The following NHSL1 variants were observed in gnomAD, a reference collection of about 807,000 sequenced individuals.
NHSL1 encodes NHS like 1, also known as NHS-like protein 1.
Under a neutral mutation model 95.0 loss-of-function variants are expected in NHSL1, and 48 were observed. That is an observed-to-expected ratio of 0.51 (90% CI 0.40 to 0.64). NHSL1 has a LOEUF of 0.64. Ranked by LOEUF, NHSL1 falls within the 30% of genes least tolerant of loss-of-function variation. The pLI, the probability that NHSL1 is intolerant of heterozygous loss-of-function variation, is 0.00. For missense variants in NHSL1, 1,971 were observed against 2,077.7 expected, an observed-to-expected ratio of 0.95 and a Z score of 1.00; for synonymous variants, 783 against 833.9, an observed-to-expected ratio of 0.94 and a Z score of 1.05.
intron 3 of NHSL1, among the ~76,000 whole-genome samples, chr6:138,453,890 T>G (rs1777403404): frequency 6.6e-6 from 1 of 151,806 alleles, no homozygotes; most frequent in Non-Finnish European, 1.5e-5. Context: ...ATTAAAATAT[T>G]TTGGATCTTA....
chr6:138,585,581 TTCTC>T (rs916466931), intron 1 of NHSL1, among the ~76,000 whole-genome samples: 11 of 152,046 alleles, frequency 7.2e-5, no homozygotes, highest in African/African-American at 9.7e-5. Flanking sequence ...TTGGTCAAAC[TTCTC>T]TCTCTCTTAT....
chr6:138,614,158 T>C (rs766570629), intron 1 of NHSL1, among the ~76,000 whole-genome samples: 3 of 152,204 alleles, frequency 2.0e-5, no homozygotes, highest in Non-Finnish European at 4.4e-5. Context: ...GCCAATGTAA[T>C]GTAAATAGAA....
intron 1 of NHSL1, among the ~76,000 whole-genome samples, chr6:138,666,590 C>CA (rs10564684): frequency 0.037 from 3,265 of 89,196 alleles, 99 homozygotes; most frequent in Non-Finnish European, 0.05. Flanking sequence ...GCCTCCATCT[C>CA]AAAAAAAAAA....
chr6:138,617,517 T>C (rs893237215), intron 1 of NHSL1, among the ~76,000 whole-genome samples: 1 of 152,190 alleles, frequency 6.6e-6, no homozygotes, highest in Non-Finnish European at 1.5e-5. Flanking sequence ...ATTAATCTAT[T>C]CCTCCCTCTG....
chr6:138,529,788 T>C (rs1205204298), intron 1 of NHSL1, among the ~76,000 whole-genome samples: 4 of 152,240 alleles, frequency 2.6e-5, no homozygotes, highest in Non-Finnish European at 4.4e-5. Context: ...TTTTCAGTGC[T>C]CCTGTGATTA....
At chr6:138,456,485 G>T (rs970068486) in intron 3 of NHSL1, among the ~76,000 whole-genome samples, 3 of 152,168 alleles carry the variant, frequency 2.0e-5, no homozygotes, top group African/African-American at 7.2e-5. Context: ...GGGAAATTTC[G>T]ATTTCTGTCA....
At chr6:138,515,408 T>C (rs4579375) in intron 1 of NHSL1, among the ~76,000 whole-genome samples, 139,891 of 152,258 alleles carry the variant, frequency 0.92, 64,455 homozygotes, top group East Asian at 1. Flanking sequence ...ACCAGAGACA[T>C]CAAAACAAAG....
chr6:138,633,184 T>C (rs1784842726), intron 1 of NHSL1, among the ~76,000 whole-genome samples: 1 of 152,112 alleles, frequency 6.6e-6, no homozygotes, highest in Non-Finnish European at 1.5e-5. Context: ...CAATGAAGCA[T>C]GCCTACAGGA....
intron 1 of NHSL1, among the ~76,000 whole-genome samples, chr6:138,562,952 G>A (rs1185210761): frequency 1.3e-5 from 2 of 152,220 alleles, no homozygotes; most frequent in Non-Finnish European, 1.5e-5. Flanking sequence ...AAGTCTAGGA[G>A]AAGTATGAAG....
chr6:138,431,308 G>C lies in NHSL1; in HGVS notation c.3037C>G (p.Pro1013Ala). Residue 1013 changes from proline to alanine, a missense_variant, in exon 6 of 8, where the codon CCT becomes GCT. By Grantham distance (27) the Pro-to-Ala change is conservative (BLOSUM62 -1). Around this residue, in one of 3 missense-constraint regions of NHSL1, gnomAD observed 1,602 missense variants for 1,654.5 expected, o/e 0.97. Transcript: ENST00000343505. The surrounding 1 kb of genome is among the most constrained non-coding windows in gnomAD (Gnocchi z 4.0). ...DSPVSLPLPP[P>A]LLPSSEPPPA... is the part of the protein sequence containing the mutation. ...GGGGGTTCCGAGGAAGGTAAGAGAGGTGGGGGCAATGGCAAGGACACAGGT... is the reference window on the plus strand; with the variant it reads ...GGGGGTTCCGAGGAAGGTAAGAGAGCTGGGGGCAATGGCAAGGACACAGGT... 1 of 1,508,896 alleles carries C rather than the reference G, an allele frequency of 6.6e-7. No homozygotes were observed. The highest frequency in any genetic ancestry group is 8.9e-7 in the Non-Finnish European group (1 of 1,124,862). 93.5% of individuals were successfully genotyped at this position (1,508,896 alleles called of 1,614,324 possible). A position where few individuals can be genotyped will look rare whatever the true frequency, so the allele number is the denominator to read the frequency against.
At chr6:138,545,737 C>T (rs888820554), upstream of NHSL1, 1 of 1,248,198 alleles carries the variant, frequency 8.0e-7, no homozygotes, top group South Asian at 1.3e-5. Flanking sequence ...GCGCTCACTG[C>T]CAGAGAGCGG....
At chr6:138,463,340 T>C (rs1273583219) in intron 3 of NHSL1, among the ~76,000 whole-genome samples, 1 of 152,056 alleles carries the variant, frequency 6.6e-6, no homozygotes, top group Non-Finnish European at 1.5e-5. Flanking sequence ...CCAAAATCTT[T>C]ACTATGGCTA....
At chr6:138,563,077 A>G (rs1783474709) in intron 1 of NHSL1, among the ~76,000 whole-genome samples, 1 of 152,172 alleles carries the variant, frequency 6.6e-6, no homozygotes, top group South Asian at 2.1e-4. Context: ...CTGAAGAATT[A>G]TACTCAGTTC....
intron 1 of NHSL1, among the ~76,000 whole-genome samples, chr6:138,619,941 C>G (rs1784631368): frequency 1.0e-5 from 1 of 99,332 alleles, no homozygotes; most frequent in South Asian, 4.0e-4. Context: ...GAGCGAAACT[C>G]TATCACAAAA....
intron 1 of NHSL1, among the ~76,000 whole-genome samples, chr6:138,640,771 C>A (rs1232315380): frequency 6.6e-6 from 1 of 152,012 alleles, no homozygotes; most frequent in Non-Finnish European, 1.5e-5. Flanking sequence ...AAGGTTGGTT[C>A]CCCTAACCCC....
chr6:138,496,174 A>C (rs1196690582), intron 2 of NHSL1, 45 bp downstream of exon 2: 1 of 1,543,972 alleles, frequency 6.5e-7, no homozygotes, highest in South Asian at 1.2e-5. Context: ...TGCTCTCAGC[A>C]GCCAGTAACC....
chr6:138,563,944 A>G (rs910553589), intron 1 of NHSL1, among the ~76,000 whole-genome samples: 1 of 152,184 alleles, frequency 6.6e-6, no homozygotes, highest in African/African-American at 2.4e-5. Context: ...AAGCAGGGAA[A>G]CCAGTTAAGA....
At chr6:138,540,404 C>CTGATTAT (rs1782534443) in intron 1 of NHSL1, among the ~76,000 whole-genome samples, 1 of 152,138 alleles carries the variant, frequency 6.6e-6, no homozygotes, top group Non-Finnish European at 1.5e-5. Flanking sequence ...TAGCTTATTA[C>CTGATTAT]CAGATTTAAG....
upstream of NHSL1, among the ~76,000 whole-genome samples, chr6:138,499,811 G>T (rs1780576078): frequency 1.3e-5 from 2 of 152,128 alleles, no homozygotes; most frequent in Admixed American, 1.3e-4. Flanking sequence ...TTAATTCAGG[G>T]TATATGGGAT....
Sources: allele counts gnomAD v4.1 joint callset (sites outside exome capture counted in the v4.1 genomes callset), GRCh38; gene constraint gnomAD v4.1.1; regional missense constraint gnomAD v4.1.1; non-coding constraint Gnocchi (gnomAD v3.1); transcripts MANE v1.5; gene names NCBI Gene and HGNC (gene_info 2026-07-23, HGNC 2026-07-21).